Variants in RHBDF2 observed in about 807,000 individuals in gnomAD.
RHBDF2 encodes rhomboid 5 homolog 2.
RHBDF2 carries 38 observed loss-of-function variants against 95.2 expected under a neutral mutation model. That is an observed-to-expected ratio of 0.40 (90% CI 0.31 to 0.52). The LOEUF (loss-of-function observed/expected upper bound fraction) is 0.52, where lower values mean the gene tolerates loss of function less well. Among genes scored for constraint, RHBDF2 ranks in the 20% least tolerant of loss-of-function variants. The probability of loss-of-function intolerance (pLI) is 0.56; values close to 1 mark genes in which losing one functional copy is unlikely to be tolerated. For missense variants in RHBDF2, 863 were observed against 1,137.7 expected (o/e 0.76, Z 3.47); for synonymous variants, 442 against 462.0 (o/e 0.96, Z 0.55).
intron 2 of RHBDF2, among the ~76,000 whole-genome samples, chr17:76,485,542 C>T (rs1567884994): frequency 1.0e-5 from 1 of 97,666 alleles, no homozygotes; most frequent in Non-Finnish European, 2.6e-5. Flanking sequence ...GCCGAGATCT[C>T]GCCACTGCAC....
At chr17:76,480,500 T>G (rs962192464) in intron 3 of RHBDF2, among the ~76,000 whole-genome samples, 1 of 151,852 alleles carries the variant, frequency 6.6e-6, no homozygotes, top group African/African-American at 2.4e-5. Context: ...GCCTTCTACC[T>G]CAGTGTCCTA....
At chr17:76,497,698 C>T (rs2144475374) in intron 1 of RHBDF2, among the ~76,000 whole-genome samples, 1 of 152,322 alleles carries the variant, frequency 6.6e-6, no homozygotes, top group South Asian at 2.1e-4. Context: ...CTCACACAAC[C>T]CTCCAGGTAG....
Position 76,480,007 on chromosome 17 carries a change from A to ATGTGTGTG in RHBDF2, c.151-161_151-154dup, listed in dbSNP as rs138608987. 9.1e-3 allele frequency: 2,791 copies of ATGTGTGTG among 307,188 alleles called. 24 individuals carry two copies. Among genetic ancestry groups the ATGTGTGTG allele is most frequent in the African/African-American group, 0.027 (811 of 29,592 alleles). 19.0% of individuals were successfully genotyped at this position (307,188 alleles called of 1,614,324 possible). A position where few individuals can be genotyped will look rare whatever the true frequency, so the allele number is the denominator to read the frequency against. On this transcript the variant is annotated intron_variant, in intron 3 of 18. Transcript: ENST00000675367. Reference sequence around the variant, plus strand: ...TTTCATTTGGAAATATATATATATAATGTGTGTGTGTGTGTGTGTGTGTGT... The same window carrying ATGTGTGTG: ...TTTCATTTGGAAATATATATATATAATGTGTGTGTGTGTGTGTGTGTGTGTGTGTGTGT...
In RHBDF2 at chr17:76,492,466, G is replaced by A. The variant is rs551033893; in HGVS notation, c.-219-4557C>T. Among the ~76,000 whole-genome samples, 7 of 152,216 alleles carry A rather than the reference G, an allele frequency of 4.6e-5. No homozygotes were observed. In the East Asian group the frequency reaches 9.6e-4, roughly 21 times the overall value. On this transcript the variant is annotated intron_variant, in intron 1 of 18. Coordinates refer to ENST00000675367, the MANE Select transcript of RHBDF2 (RefSeq NM_001005498.4). ...AGGCACTCCCAACCAAGCCTGTTCCGCACAGCTGGGTAAGCAAGGCCACCC... is the reference window on the plus strand; with the variant it reads ...AGGCACTCCCAACCAAGCCTGTTCCACACAGCTGGGTAAGCAAGGCCACCC...
At chr17:76,499,896 A>C (rs2144504623) in intron 1 of RHBDF2, among the ~76,000 whole-genome samples, 1 of 152,040 alleles carries the variant, frequency 6.6e-6, no homozygotes, top group East Asian at 1.9e-4. Context: ...CTGGGCTGCA[A>C]GGGGGTCCTC....
chr17:76,482,109 C>T (rs887567879), intron 2 of RHBDF2, among the ~76,000 whole-genome samples: 3 of 152,180 alleles, frequency 2.0e-5, no homozygotes, highest in South Asian at 4.2e-4. Context: ...ATTTGCATCC[C>T]GGACCATATG....
chr17:76,481,451 G>A lies in RHBDF2; in HGVS notation c.74C>T (p.Pro25Leu). ...SSSRLQSRKPPNLSITIPPPE... is the reference protein window; with the variant it reads ...SSSRLQSRKPLNLSITIPPPE... ...TGGCGGGATGGTGATGGAGAGGTTG[G>A]GTGGCTTCCGGCTCTGCAGGCGGCT... The change falls in exon 3 of 19, where the codon CCC (proline) becomes CTC (leucine). Residue 25 changes from proline to leucine, a missense_variant. Physicochemically the swap from Pro to Leu is moderately conservative, Grantham distance 98. Coordinates refer to ENST00000675367, the MANE Select transcript of RHBDF2 (RefSeq NM_001005498.4). The A allele has an allele frequency of 6.2e-7, 1 of 1,612,794 alleles. No individual in the cohort carries two copies. Among genetic ancestry groups the A allele is most frequent in the Admixed American group, 1.7e-5 (1 of 60,020 alleles).
chr17:76,497,265 A>G (rs1387186936), intron 1 of RHBDF2, among the ~76,000 whole-genome samples: 2 of 152,138 alleles, frequency 1.3e-5, no homozygotes, highest in Non-Finnish European at 2.9e-5. Flanking sequence ...AACCTACGCC[A>G]GGGAAAGCAC....
At position 76,479,809 on chromosome 17, in the gene RHBDF2, G is replaced by A. The variant is rs747985209; in HGVS notation, c.196C>T (p.Arg66Cys). 39 of 1,613,038 alleles carry A rather than the reference G, an allele frequency of 2.4e-5. 1 individual carries two copies. The highest frequency in any genetic ancestry group is 5.5e-5 in the South Asian group (5 of 90,998). The change falls in exon 4 of 19, where the codon CGC becomes TGC. Residue 66 changes from arginine (R) to cysteine (C), a missense_variant. By Grantham distance (180) the Arg-to-Cys change is radical (BLOSUM62 -3). This residue lies in a region of RHBDF2 where 611 missense variants were observed against 725.5 expected (regional missense o/e 0.84). Transcript: ENST00000675367. Reference protein sequence around the residue: ...YLKSVSLQEPRSRWQESSEKR... With the variant: ...YLKSVSLQEPCSRWQESSEKR... The stretch of plus-strand genomic sequence containing the variant: ...TCTGAACTCTCCTGCCATCGGCTGC[G>A]TGGCTCCTGGAGGCTGACGCTCTTC...
intron 2 of RHBDF2, among the ~76,000 whole-genome samples, chr17:76,482,986 A>T (rs1423650397): frequency 2.0e-5 from 3 of 152,176 alleles, no homozygotes; most frequent in Non-Finnish European, 4.4e-5. Flanking sequence ...CCTGGCCAAC[A>T]CAGTGAAACA....
At position 76,479,587 on chromosome 17, in the gene RHBDF2, A is replaced by G. The variant is rs992629665; in HGVS notation, c.272+146T>C. ...CCATTTCCCCATCTATACCATGATA[A>G]TAGGCCACAGGGAGACATTGCTCAT... On this transcript the variant is annotated intron_variant, in intron 4 of 18. Coordinates refer to ENST00000675367, the MANE Select transcript of RHBDF2 (RefSeq NM_001005498.4). 5 of 728,562 alleles carry G rather than the reference A, an allele frequency of 6.9e-6. No homozygotes were observed. In the Admixed American group the frequency reaches 8.4e-5, roughly 12 times the overall value. 45.1% of individuals were successfully genotyped at this position (728,562 alleles called of 1,614,324 possible). A position where few individuals can be genotyped will look rare whatever the true frequency, so the allele number is the denominator to read the frequency against.
chr17:76,484,702 G>A (rs1287596118), intron 2 of RHBDF2, among the ~76,000 whole-genome samples: 1 of 152,096 alleles, frequency 6.6e-6, no homozygotes, highest in Non-Finnish European at 1.5e-5. Context: ...AAGTCCAAAC[G>A]TCTCACTGGG....
At chr17:76,476,555 T>C in intron 9 of RHBDF2, 1 of 445,604 alleles carries the variant, frequency 2.2e-6, no homozygotes, top group Non-Finnish European at 4.0e-6. Flanking sequence ...TGACACTCAA[T>C]GAACATTTGT....
intron 1 of RHBDF2, among the ~76,000 whole-genome samples, chr17:76,495,694 T>G (rs959933056): frequency 6.6e-6 from 1 of 152,006 alleles, no homozygotes; most frequent in Non-Finnish European, 1.5e-5. Context: ...GCCGACGGCA[T>G]CCCTGGGCCC....
chr17:76,483,639 A>C (rs2074036867), intron 2 of RHBDF2, among the ~76,000 whole-genome samples: 3 of 152,206 alleles, frequency 2.0e-5, no homozygotes, highest in African/African-American at 7.2e-5. Flanking sequence ...GGAATGCACC[A>C]AGATTTACTT....
intron 2 of RHBDF2, among the ~76,000 whole-genome samples, chr17:76,482,833 C>T (rs937538673): frequency 6.6e-6 from 1 of 150,532 alleles, no homozygotes; most frequent in African/African-American, 2.4e-5. Context: ...ATAGTGAGAA[C>T]ACTGTTTAAC....
chr17:76,479,882 G>A (rs148949006), intron 3 of RHBDF2, 28 bp from the exon 4 acceptor site: 12 of 1,610,328 alleles, frequency 7.5e-6, no homozygotes, highest in African/African-American at 2.7e-5. Flanking sequence ...GAGGGCAGGC[G>A]GTGGTGTGTG....
rs372952618 is a variant in RHBDF2, at chr17:76,474,789, C to G, written c.1243G>C (p.Gly415Arg). The G allele has an allele frequency of 5.6e-6, 9 of 1,614,016 alleles. No homozygotes were observed. In the African/African-American group the frequency reaches 1.2e-4, roughly 22 times the overall value. ...ATGTACTTCACGCTCTCGTACACAC[C>G]TTTGTTCCGCAGCACCTATCGTGGA... The part of the protein sequence containing the change: ...VTTQLVLRNK[G>R]VYESVKYIQQ... Residue 415 changes from glycine to arginine, a missense_variant, in exon 11 of 19, where the codon GGT (glycine) becomes CGT (arginine). Transcript: ENST00000675367.
chr17:76,490,087 G>T (rs1201917598), intron 1 of RHBDF2, among the ~76,000 whole-genome samples: 1 of 152,244 alleles, frequency 6.6e-6, no homozygotes, highest in African/African-American at 2.4e-5. Context: ...AGGCTGGGGA[G>T]TAGCCCACGC....
Sources: allele counts gnomAD v4.1 joint callset (sites outside exome capture counted in the v4.1 genomes callset), GRCh38; gene constraint gnomAD v4.1.1; regional missense constraint gnomAD v4.1.1; transcripts MANE v1.5; gene names NCBI Gene and HGNC (gene_info 2026-07-23, HGNC 2026-07-21).